Variants in NFXL1 observed in about 807,000 individuals in gnomAD.
The protein encoded by NFXL1 is NF-X1-type zinc finger protein NFXL1.
Under a neutral mutation model 123.3 loss-of-function variants are expected in NFXL1, and 66 were observed. That is an observed-to-expected ratio of 0.54 (90% confidence interval 0.44 to 0.66). The LOEUF (loss-of-function observed/expected upper bound fraction) is 0.66. NFXL1 is among the 30% of genes least tolerant of loss of function. The pLI is 0.00. For missense variants in NFXL1, 944 were observed against 1,125.6 expected (o/e 0.84, Z 2.31); for synonymous variants, 346 against 360.8 (o/e 0.96, Z 0.46).
intron 2 of NFXL1, 41 bp downstream of exon 2, chr4:47,913,928 G>A (rs1737973311): frequency 7.0e-7 from 1 of 1,432,588 alleles, no homozygotes; most frequent in Non-Finnish European, 9.5e-7. Context: ...AACTGCCTTA[G>A]GAGGCATCCA....
chr4:47,850,192 GTT>G (rs1734047069), intron 22 of NFXL1, among the ~76,000 whole-genome samples: 1 of 152,042 alleles, frequency 6.6e-6, no homozygotes, highest in African/African-American at 2.4e-5. Flanking sequence ...GCCAACTTAT[GTT>G]TTACTATTTA....
intron 3 of NFXL1, 93 bp from the exon 4 acceptor site, chr4:47,905,439 G>A (rs1018288549): frequency 5.0e-6 from 3 of 601,662 alleles, no homozygotes; most frequent in Admixed American, 2.6e-5. Context: ...GAACTGTCTA[G>A]CAATATCAAT....
In NFXL1 at chr4:47,877,014, A is replaced by C. The variant is rs370014343; in HGVS notation, c.2079+1511T>G. ...ATGCAAAAAGAACCAAAGTTCACCT[A>C]AAGAGTTTATTTCATTTGCTCTTCC... On this transcript the variant is annotated intron_variant, in intron 17 of 22. Transcript: ENST00000507489. 123 of 1,210,470 alleles carry C rather than the reference A, an allele frequency of 1.0e-4. No homozygotes were observed. In the African/African-American group the frequency reaches 1.8e-3, roughly 18 times the overall value. 75.0% of individuals were successfully genotyped at this position (1,210,470 alleles called of 1,614,324 possible).
At position 47,885,973 on chromosome 4, in the gene NFXL1, C is replaced by T. The variant is rs1001377931; in HGVS notation, c.1570G>A (p.Val524Ile). 4.3e-6 allele frequency: 7 copies of T among 1,613,360 alleles called. No homozygotes were observed. Among genetic ancestry groups the T allele is most frequent in the Middle Eastern group, 1.6e-4 (1 of 6,084 alleles). ...RGSCYPCPET[V>I]DVKCNCGNTK... ...TTGCCACAATTACACTTCACATCTA[C>T]GGTTTCTGGGCAGGGATAGCAACTG... The change falls in exon 13 of 23, where the codon GTA becomes ATA. Residue 524 changes from valine to isoleucine, a missense_variant. This residue lies in a region of NFXL1 where 296 missense variants were observed against 395.1 expected (regional missense o/e 0.75). Coordinates refer to ENST00000507489, the MANE Select transcript of NFXL1 (RefSeq NM_001278624.2).
At chr4:47,882,002 T>C (rs1736142013) in intron 15 of NFXL1, among the ~76,000 whole-genome samples, 1 of 152,186 alleles carries the variant, frequency 6.6e-6, no homozygotes, top group South Asian at 2.1e-4. Flanking sequence ...CACAGAACCA[T>C]ACAACACAGA....
intron 4 of NFXL1, among the ~76,000 whole-genome samples, chr4:47,904,248 C>T (rs1473095431): frequency 6.6e-6 from 1 of 152,172 alleles, no homozygotes; most frequent in Admixed American, 6.5e-5. Flanking sequence ...ACTGCCCAGC[C>T]CCACTCGCTA....
At chr4:47,862,504 T>C (rs1734826562) in intron 19 of NFXL1, among the ~76,000 whole-genome samples, 1 of 152,174 alleles carries the variant, frequency 6.6e-6, no homozygotes, top group Non-Finnish European at 1.5e-5. Flanking sequence ...TAACCTATTA[T>C]GGATTTACTG....
intron 17 of NFXL1, among the ~76,000 whole-genome samples, chr4:47,875,743 C>G (rs1735708032): frequency 1.3e-5 from 2 of 152,118 alleles, no homozygotes; most frequent in South Asian, 4.1e-4. Flanking sequence ...ACTAAACAGT[C>G]TGGAGGTAAT....
intron 22 of NFXL1, 64 bp downstream of exon 22, chr4:47,851,031 C>T (rs1403364097): frequency 4.1e-6 from 5 of 1,206,422 alleles, no homozygotes; most frequent in Non-Finnish European, 3.7e-6. Flanking sequence ...GAATATACCC[C>T]GTGTTTGCAC....
At chr4:47,863,650 C>A (rs1734890241) in intron 18 of NFXL1, among the ~76,000 whole-genome samples, 1 of 152,038 alleles carries the variant, frequency 6.6e-6, no homozygotes. Flanking sequence ...ACACTGCACT[C>A]CAGTCTGGGT....
chr4:47,914,083 A>T lies in NFXL1; in HGVS notation c.121T>A (p.Ser41Thr). 1 of 1,549,968 alleles carries T rather than the reference A, an allele frequency of 6.5e-7. No individual in the cohort carries two copies. Among genetic ancestry groups the T allele is most frequent in the Non-Finnish European group, 8.7e-7 (1 of 1,147,232 alleles). Residue 41 changes from serine to threonine, a missense_variant, in exon 2 of 23, where the codon TCG (serine) becomes ACG (threonine). By Grantham distance (58) the Ser-to-Thr change is moderately conservative. Coordinates refer to ENST00000507489, the MANE Select transcript of NFXL1 (RefSeq NM_001278624.2). ...RGAGGGREKG[S>T]VGAVPSGTSP... is the part of the protein sequence containing the mutation. ...GTGCCAGAAGGAACTGCGCCCACCG[A>T]CCCCTTCTCTCGCCCTCCTCCGGCG...
At chr4:47,881,753 A>G (rs931072796) in intron 15 of NFXL1, among the ~76,000 whole-genome samples, 6 of 152,304 alleles carry the variant, frequency 3.9e-5, no homozygotes, top group African/African-American at 1.4e-4. Flanking sequence ...CCATAAAACC[A>G]TATTGCTAAG....
intron 3 of NFXL1, among the ~76,000 whole-genome samples, chr4:47,907,917 T>A (rs188877162): frequency 6.6e-6 from 1 of 152,282 alleles, no homozygotes; most frequent in Admixed American, 6.5e-5. Flanking sequence ...AACCTTAGAG[T>A]TACTTTTTAT....
intron 18 of NFXL1, among the ~76,000 whole-genome samples, chr4:47,863,479 C>G (rs1324265077): frequency 6.6e-6 from 1 of 151,964 alleles, no homozygotes; most frequent in Admixed American, 6.6e-5. Context: ...GCTGGGAGTT[C>G]GAGACCAGCC....
At chr4:47,848,828 G>C (rs1733957948) in intron 22 of NFXL1, among the ~76,000 whole-genome samples, 1 of 152,140 alleles carries the variant, frequency 6.6e-6, no homozygotes, top group Admixed American at 6.5e-5. Flanking sequence ...GGCAGAGCTT[G>C]CAGTGAGCCG....
At chr4:47,852,047 T>C (rs924916896) in intron 20 of NFXL1, 105 bp from the exon 21 acceptor site, 3 of 663,754 alleles carry the variant, frequency 4.5e-6, no homozygotes, top group Non-Finnish European at 8.1e-6. Flanking sequence ...TAAGTATTAT[T>C]TGATGTCTTA....
intron 18 of NFXL1, among the ~76,000 whole-genome samples, chr4:47,873,677 G>C (rs1295919252): frequency 6.6e-6 from 1 of 152,166 alleles, no homozygotes; most frequent in Non-Finnish European, 1.5e-5. Context: ...ACTAGATTTA[G>C]CATAATTGTG....
chr4:47,910,807 AT>A lies in NFXL1; in HGVS notation c.406+16del. The A allele has an allele frequency of 1.3e-6, 2 of 1,488,674 alleles. No homozygotes were observed. The highest frequency in any genetic ancestry group is 1.8e-6 in the Non-Finnish European group (2 of 1,114,656). The allele number at this position is 1,488,674 out of a possible 1,614,324, so 92.2% of individuals were successfully genotyped here. ...AGTTTCATTGACGTCAAAAGTCAAA[AT>A]TTAAAAGATCAGTACCTGTCTGAGT... On this transcript the variant is annotated intron_variant, in intron 3 of 22. Coordinates refer to ENST00000507489, the MANE Select transcript of NFXL1 (RefSeq NM_001278624.2).
chr4:47,856,524 T>C (rs1683123425), intron 19 of NFXL1, among the ~76,000 whole-genome samples: 1 of 152,068 alleles, frequency 6.6e-6, no homozygotes, highest in African/African-American at 2.4e-5. Context: ...CAGTAAACAT[T>C]TAAATTCTCT....
Sources: allele counts gnomAD v4.1 joint callset (sites outside exome capture counted in the v4.1 genomes callset), GRCh38; gene constraint gnomAD v4.1.1; regional missense constraint gnomAD v4.1.1; transcripts MANE v1.5; gene names NCBI Gene and HGNC (gene_info 2026-07-23, HGNC 2026-07-21).